Variants in DLG2 observed in about 807,000 individuals in gnomAD.
The protein encoded by DLG2 is disks large homolog 2.
A neutral mutation model predicts 132.5 loss-of-function variants in DLG2; 45 were observed. That is an observed-to-expected ratio of 0.34 (90% confidence interval 0.27 to 0.44). The LOEUF is 0.44. DLG2 is among the 20% of genes least tolerant of loss of function. The pLI, the probability that DLG2 is intolerant of heterozygous loss-of-function variation, is 1.00. For missense variants in DLG2, 1,045 were observed against 1,196.9 expected, an observed-to-expected ratio of 0.87 and a Z score of 1.87; for synonymous variants, 424 against 419.6, an observed-to-expected ratio of 1.01 and a Z score of -0.13.
At position 83,649,231 on chromosome 11, in the gene DLG2, G is replaced by A. The variant is rs182942860; in HGVS notation, c.1826-15906C>T. Among the ~76,000 whole-genome samples, 372 of 152,176 alleles carry A rather than the reference G, an allele frequency of 2.4e-3. 2 individuals are homozygous for A. The highest frequency in any genetic ancestry group is 4.3e-3 in the Non-Finnish European group (295 of 67,976). Reference sequence around the variant, plus strand: ...TGATCAAAATCCACTGTGAAGTGAGGAATTTTTCCTGCTGGGCATTCTATT... The same window carrying A: ...TGATCAAAATCCACTGTGAAGTGAGAAATTTTTCCTGCTGGGCATTCTATT... On this transcript the variant is annotated intron_variant, in intron 18 of 27. Coordinates refer to ENST00000376104, the MANE Select transcript of DLG2 (RefSeq NM_001142699.3).
At chr11:84,825,889 A>T (rs548018313) in intron 6 of DLG2, among the ~76,000 whole-genome samples, 7 of 151,818 alleles carry the variant, frequency 4.6e-5, no homozygotes, top group Admixed American at 3.9e-4. Context: ...ACCCTTTCTC[A>T]TACAGGATCT....
intron 5 of DLG2, among the ~76,000 whole-genome samples, chr11:85,137,481 T>G (rs1287422460): frequency 6.6e-6 from 1 of 152,106 alleles, no homozygotes; most frequent in East Asian, 1.9e-4. Flanking sequence ...TGAAATCGTT[T>G]CTGTCCCTCT....
At chr11:84,042,975 A>G (rs2096132322) in intron 11 of DLG2, among the ~76,000 whole-genome samples, 1 of 151,856 alleles carries the variant, frequency 6.6e-6, no homozygotes, top group African/African-American at 2.4e-5. Context: ...GGGGTATTGT[A>G]AATGATATAC....
At chr11:83,470,786 C>T (rs2091925480) in intron 24 of DLG2, among the ~76,000 whole-genome samples, 1 of 152,116 alleles carries the variant, frequency 6.6e-6, no homozygotes, top group Admixed American at 6.6e-5. Context: ...ATTTGCAGTA[C>T]TGGAATGTTA....
At chr11:84,934,631 T>C (rs977512442) in intron 6 of DLG2, among the ~76,000 whole-genome samples, 1 of 149,514 alleles carries the variant, frequency 6.7e-6, no homozygotes, top group African/African-American at 2.5e-5. Flanking sequence ...TGAATACCTC[T>C]ATGCACATAA....
chr11:84,001,845 T>C (rs2094361665), intron 11 of DLG2, among the ~76,000 whole-genome samples: 1 of 152,106 alleles, frequency 6.6e-6, no homozygotes, highest in African/African-American at 2.4e-5. Flanking sequence ...TAAATAATCA[T>C]TGGGTCAACA....
At chr11:83,472,471 T>C (rs2092166844) in intron 23 of DLG2, among the ~76,000 whole-genome samples, 1 of 152,142 alleles carries the variant, frequency 6.6e-6, no homozygotes, top group Non-Finnish European at 1.5e-5. Flanking sequence ...TTCCTTCCCA[T>C]TGAGGACCAC....
At chr11:83,787,340 T>TTC (rs66699053) in intron 17 of DLG2, among the ~76,000 whole-genome samples, 1 of 102,756 alleles carries the variant, frequency 9.7e-6, no homozygotes, top group African/African-American at 4.2e-5. Context: ...TTTTTTTTTT[T>TTC]AGACAGAGTC....
At chr11:85,031,735 C>G (rs764210395) in intron 6 of DLG2, among the ~76,000 whole-genome samples, 1 of 152,032 alleles carries the variant, frequency 6.6e-6, no homozygotes, top group African/African-American at 2.4e-5. Context: ...GAATTGGAGT[C>G]TCTGTGTTAA....
intron 3 of DLG2, among the ~76,000 whole-genome samples, chr11:85,516,395 A>G (rs286510): frequency 0.18 from 27,077 of 151,896 alleles, 2,699 homozygotes; most frequent in East Asian, 0.31. Flanking sequence ...ACCCAGAAGA[A>G]TAAGAGGGAA....
At chr11:84,993,999 T>C (rs1238225195) in intron 6 of DLG2, among the ~76,000 whole-genome samples, 1 of 152,140 alleles carries the variant, frequency 6.6e-6, no homozygotes, top group Non-Finnish European at 1.5e-5. Context: ...GTAACAAACC[T>C]GCATGTTCTG....
chr11:83,557,851 G>T (rs1449252012), intron 19 of DLG2, among the ~76,000 whole-genome samples: 1 of 152,182 alleles, frequency 6.6e-6, no homozygotes. Flanking sequence ...TTGTTGTGAA[G>T]TTAATCAAGG....
At chr11:83,657,246 T>C (rs2072776030) in intron 18 of DLG2, among the ~76,000 whole-genome samples, 1 of 152,046 alleles carries the variant, frequency 6.6e-6, no homozygotes, top group Non-Finnish European at 1.5e-5. Flanking sequence ...ACCTCTTGAA[T>C]TGATTTCCCT....
intron 8 of DLG2, among the ~76,000 whole-genome samples, chr11:84,163,838 G>A (rs1194525957): frequency 1.3e-5 from 2 of 152,066 alleles, no homozygotes; most frequent in Non-Finnish European, 2.9e-5. Flanking sequence ...ATACAATTAT[G>A]AGGAAAATAA....
chr11:84,056,643 G>C (rs2096505706), intron 11 of DLG2, among the ~76,000 whole-genome samples: 1 of 152,112 alleles, frequency 6.6e-6, no homozygotes. Flanking sequence ...AGAATTATAA[G>C]GTGCCAAGTG....
rs746049017 is a variant in DLG2 at position 83,930,487 on chromosome 11, G to A, written c.1341-4C>T. Reference sequence around the variant, plus strand: ...GCTGTAAACAGGTTCCGGAGGCCTGGTGATACAAGAGGAAGAGAAAGATAT... The same window carrying A: ...GCTGTAAACAGGTTCCGGAGGCCTGATGATACAAGAGGAAGAGAAAGATAT... On this transcript the variant is annotated splice_polypyrimidine_tract_variant and splice_region_variant and intron_variant, in intron 14 of 27. Coordinates refer to ENST00000376104, the MANE Select transcript of DLG2 (RefSeq NM_001142699.3). 3 of 1,613,310 alleles carry A rather than the reference G, an allele frequency of 1.9e-6. No homozygotes were observed. The highest frequency in any genetic ancestry group is 2.7e-5 in the African/African-American group (2 of 74,890).
At chr11:84,964,684 C>A (rs986983648) in intron 6 of DLG2, among the ~76,000 whole-genome samples, 1 of 152,072 alleles carries the variant, frequency 6.6e-6, no homozygotes, top group Non-Finnish European at 1.5e-5. Context: ...AATATTCATG[C>A]ACTAAGTTTA....
At chr11:84,257,031 C>A (rs892706168) in intron 7 of DLG2, among the ~76,000 whole-genome samples, 3 of 152,194 alleles carry the variant, frequency 2.0e-5, no homozygotes, top group African/African-American at 4.8e-5. Flanking sequence ...TTACTATGCA[C>A]ATACCCCATC....
At chr11:84,911,923 G>A (rs1237958981) in intron 6 of DLG2, among the ~76,000 whole-genome samples, 1 of 151,996 alleles carries the variant, frequency 6.6e-6, no homozygotes, top group Non-Finnish European at 1.5e-5. Context: ...TATAACTGCC[G>A]ATACTGCAGT....
Sources: gnomAD v4.1 joint callset for allele counts (sites outside exome capture counted in the v4.1 genomes callset) on GRCh38, gnomAD v4.1.1 for gene constraint, MANE v1.5 for transcripts, NCBI Gene and HGNC (gene_info 2026-07-23, HGNC 2026-07-21) for gene names.